RASA2: variants seen among roughly 807,000 people sequenced by gnomAD.
The protein encoded by RASA2 is RAS p21 protein activator 2.
Under a neutral mutation model 118.2 loss-of-function variants are expected in RASA2, and 155 were observed. The observed-to-expected ratio is 1.31, with a 90% CI of 1.15 to 1.50. The LOEUF (loss-of-function observed/expected upper bound fraction) is 1.50. Ranked by LOEUF, RASA2 falls within the 40% of genes most tolerant of loss-of-function variation. RASA2 has a pLI of 0.00. For missense variants in RASA2, 1,016 were observed against 1,009.6 expected (o/e 1.01, Z -0.09); for synonymous variants, 353 against 349.1 (o/e 1.01, Z -0.12).
chr3:141,607,829 G>T, intron 20 of RASA2, 69 bp downstream of exon 20: 3 of 1,420,094 alleles, frequency 2.1e-6, no homozygotes, highest in Non-Finnish European at 1.9e-6. Flanking sequence ...TGTATTTCGA[G>T]GTATTTGTTA....
chr3:141,527,882 A>G (rs1327214046), intron 3 of RASA2, among the ~76,000 whole-genome samples: 2 of 151,940 alleles, frequency 1.3e-5, no homozygotes, highest in Non-Finnish European at 2.9e-5. Context: ...TTTATCTTAA[A>G]TTTAACCAAA....
At chr3:141,550,805 C>T (rs868781889) in intron 5 of RASA2, among the ~76,000 whole-genome samples, 2 of 152,092 alleles carry the variant, frequency 1.3e-5, no homozygotes, top group East Asian at 1.9e-4. Flanking sequence ...TGCGGGGAGC[C>T]GAGATTGCGC....
chr3:141,511,484 G>A (rs2081949668), intron 1 of RASA2, among the ~76,000 whole-genome samples: 1 of 152,204 alleles, frequency 6.6e-6, no homozygotes, highest in South Asian at 2.1e-4. Flanking sequence ...ATACTGTGTT[G>A]TGGAAGCCAA....
rs1054082249 is a variant in RASA2, at chr3:141,613,607, G to A, written c.*1294G>A. ...TCTAAATGTGGTACTTTGAACCTTGGAGTATTTACATGTTTCTGTTCAAAA... is the reference window on the plus strand; with the variant it reads ...TCTAAATGTGGTACTTTGAACCTTGAAGTATTTACATGTTTCTGTTCAAAA... On this transcript the variant is annotated 3_prime_UTR_variant, in exon 24 of 24. Transcript: ENST00000286364. 2 of 152,072 alleles carry A rather than the reference G, an allele frequency of 1.3e-5. No homozygotes were observed. Among genetic ancestry groups the A allele is most frequent in the Non-Finnish European group, 2.9e-5 (2 of 67,998 alleles). 9.4% of individuals were successfully genotyped at this position (152,072 alleles called of 1,614,324 possible).
chr3:141,513,725 C>T (rs2081985362), intron 2 of RASA2, among the ~76,000 whole-genome samples: 1 of 152,168 alleles, frequency 6.6e-6, no homozygotes. Context: ...GCTGAACCAA[C>T]TGTTTTCTAG....
intron 19 of RASA2, among the ~76,000 whole-genome samples, chr3:141,591,075 ATCT>A (rs1421524023): frequency 6.6e-6 from 1 of 152,204 alleles, no homozygotes; most frequent in Non-Finnish European, 1.5e-5. Flanking sequence ...TAATTTAGTC[ATCT>A]TCTACAAGTA....
intron 1 of RASA2, among the ~76,000 whole-genome samples, chr3:141,501,939 T>C (rs1409963408): frequency 1.3e-5 from 2 of 152,106 alleles, no homozygotes; most frequent in Non-Finnish European, 2.9e-5. Flanking sequence ...AGTTCTACTG[T>C]TCTGTTTAGG....
chr3:141,589,716 C>T (rs1577797933), intron 19 of RASA2, among the ~76,000 whole-genome samples: 1 of 152,150 alleles, frequency 6.6e-6, no homozygotes, highest in South Asian at 2.1e-4. Flanking sequence ...TGGTGTGCGT[C>T]TGTAGTCCCA....
chr3:141,490,462 T>TC (rs1263304962), intron 1 of RASA2, among the ~76,000 whole-genome samples: 19 of 152,126 alleles, frequency 1.2e-4, no homozygotes, highest in African/African-American at 4.6e-4. Context: ...TTGTTAAGTT[T>TC]CCTCTTATCC....
chr3:141,554,799 A>G (rs759237054), intron 6 of RASA2, among the ~76,000 whole-genome samples: 6 of 152,232 alleles, frequency 3.9e-5, no homozygotes, highest in Non-Finnish European at 7.3e-5. Context: ...ATAGTATGCT[A>G]TTAGCAGATA....
chr3:141,549,418 C>T (rs1444283139), intron 5 of RASA2, among the ~76,000 whole-genome samples: 1 of 152,010 alleles, frequency 6.6e-6, no homozygotes, highest in Non-Finnish European at 1.5e-5. Context: ...CATTCCTCTG[C>T]TCTCCTTTGA....
In RASA2 at chr3:141,512,253, G is replaced by C. The variant is rs759141778; in HGVS notation, c.224G>C (p.Arg75Pro). Residue 75 changes from arginine to proline, a missense_variant, in exon 2 of 24, where the codon CGT becomes CCT. By Grantham distance (103) the Arg-to-Pro change is moderately radical. Transcript: ENST00000286364. ...TINLDQEEVY[R>P]TQVVEKSLSP... Reference sequence around the variant, plus strand: ...AATTTGGACCAGGAAGAAGTTTATCGTACCCAAGTTGTGGAAAAATCTTTA... The same window carrying C: ...AATTTGGACCAGGAAGAAGTTTATCCTACCCAAGTTGTGGAAAAATCTTTA... 4 of 1,589,448 alleles carry C rather than the reference G, an allele frequency of 2.5e-6. No homozygotes were observed. Among genetic ancestry groups the C allele is most frequent in the Non-Finnish European group, 3.4e-6 (4 of 1,172,828 alleles).
chr3:141,571,663 T>C, intron 11 of RASA2, 109 bp downstream of exon 11: 1 of 1,035,034 alleles, frequency 9.7e-7, no homozygotes, highest in Non-Finnish European at 1.4e-6. Context: ...AGCCTTACTG[T>C]ATAGTAGGCT....
chr3:141,538,100 AACACACAC>A (rs60054807), intron 4 of RASA2, among the ~76,000 whole-genome samples: 7 of 136,556 alleles, frequency 5.1e-5, no homozygotes, highest in African/African-American at 1.5e-4. Flanking sequence ...CAAAAAACAA[AACACACAC>A]ACACACACAC....
chr3:141,605,143 G>A (rs148946251), intron 19 of RASA2, among the ~76,000 whole-genome samples: 145 of 152,022 alleles, frequency 9.5e-4, no homozygotes, highest in Non-Finnish European at 1.4e-3. Flanking sequence ...TTTCTGCCTA[G>A]TATTTAGGAG....
chr3:141,575,147 C>G (rs2082990810), intron 14 of RASA2, among the ~76,000 whole-genome samples: 1 of 152,104 alleles, frequency 6.6e-6, no homozygotes, highest in Non-Finnish European at 1.5e-5. Flanking sequence ...CCAGTCTTAA[C>G]CAGCTGTGCA....
intron 19 of RASA2, among the ~76,000 whole-genome samples, chr3:141,595,132 T>G (rs2083346849): frequency 1.3e-5 from 2 of 152,052 alleles, no homozygotes; most frequent in South Asian, 4.1e-4. Flanking sequence ...ACATAACTAA[T>G]CCATCCCCTC....
At chr3:141,535,804 A>AGCCATTGT (rs1290696690) in intron 4 of RASA2, among the ~76,000 whole-genome samples, 1 of 152,192 alleles carries the variant, frequency 6.6e-6, no homozygotes, top group African/African-American at 2.4e-5. Flanking sequence ...GGTGGCACTC[A>AGCCATTGT]GCCATTCATG....
chr3:141,521,966 G>A (rs945118737), intron 3 of RASA2, among the ~76,000 whole-genome samples: 4 of 150,292 alleles, frequency 2.7e-5, no homozygotes, highest in African/African-American at 7.4e-5. Context: ...CCACTCAATT[G>A]TAGATTAAAC....
Sources: gnomAD v4.1 joint callset for allele counts (sites outside exome capture counted in the v4.1 genomes callset) on GRCh38, gnomAD v4.1.1 for gene constraint, MANE v1.5 for transcripts, NCBI Gene and HGNC (gene_info 2026-07-23, HGNC 2026-07-21) for gene names.